Variants in TRPV1 observed in about 807,000 individuals in gnomAD.
The protein encoded by TRPV1 is OTRPC1.
In TRPV1, 82 loss-of-function variants were observed where a neutral mutation model predicts 82.3. The observed-to-expected ratio is 1.00, with a 90% confidence interval of 0.83 to 1.20. TRPV1 has a LOEUF of 1.20. Among genes scored for constraint, TRPV1 ranks in the 50% most tolerant of loss-of-function variants. The pLI is 0.00. For synonymous variants in TRPV1, 515 were observed against 467.7 expected, an observed-to-expected ratio of 1.10 and a Z score of -1.30; for missense variants, 1,067 against 1,096.8, an observed-to-expected ratio of 0.97 and a Z score of 0.38.
In TRPV1 at chr17:3,566,145, C is replaced by A. The variant is rs565889684; in HGVS notation, c.*670G>T. On this transcript the variant is annotated 3_prime_UTR_variant, in exon 17 of 17. Transcript: ENST00000572705. ...CAAGATCACACCACTGCACTCCAGC[C>A]TGGGCAACAAGAGTGAAACTCTGTC... The A allele has an allele frequency of 6.6e-6, 1 of 150,980 alleles. No homozygotes were observed. Among genetic ancestry groups the A allele is most frequent in the East Asian group, 2.0e-4 (1 of 5,098 alleles). 9.4% of individuals were successfully genotyped at this position (150,980 alleles called of 1,614,324 possible).
intron 2 of TRPV1, among the ~76,000 whole-genome samples, chr17:3,607,159 C>T (rs1335274335): frequency 6.6e-6 from 1 of 152,100 alleles, no homozygotes; most frequent in Non-Finnish European, 1.5e-5. Flanking sequence ...ACCAGGCCAA[C>T]ATGGTGAAAC....
chr17:3,568,048 C>T (rs1185906550), intron 16 of TRPV1, among the ~76,000 whole-genome samples: 3 of 152,154 alleles, frequency 2.0e-5, no homozygotes, highest in Admixed American at 1.3e-4. Context: ...CAAGGCCGGG[C>T]GCGGTGGCTC....
intron 2 of TRPV1, among the ~76,000 whole-genome samples, chr17:3,597,647 C>G (rs370305805): frequency 6.6e-6 from 1 of 150,720 alleles, no homozygotes. Flanking sequence ...AACCACAAAA[C>G]ACAGATAACT....
rs1480075628 is a variant in TRPV1, at chr17:3,585,995, G to A, written c.1225-69C>T. 3.0e-5 allele frequency: 48 copies of A among 1,583,400 alleles called. No individual in the cohort carries two copies. In the Admixed American group the frequency reaches 3.8e-4, roughly 12 times the overall value. On this transcript the variant is annotated intron_variant, in intron 8 of 16. Transcript: ENST00000572705. ...ACTCCTCGCACGCCCACACCAGCCC[G>A]TGGTGCCCCTCACAGCCATGTGGCC...
At chr17:3,595,937 C>T (rs1260170907) in intron 2 of TRPV1, 1 of 152,224 alleles carries the variant, frequency 6.6e-6, no homozygotes, top group Non-Finnish European at 1.5e-5. Flanking sequence ...TCAGGACAGC[C>T]CTCCACTGCC....
At chr17:3,593,093 T>C (rs1374801709) in intron 2 of TRPV1, among the ~76,000 whole-genome samples, 6 of 3,634 alleles carry the variant, frequency 1.7e-3, no homozygotes, top group African/African-American at 5.2e-3. Context: ...TGTGTGTGTG[T>C]GTGTGTGTGT....
Position 3,580,465 on chromosome 17 carries a change from C to G in TRPV1, c.1539G>C (p.Glu513Asp), listed in dbSNP as rs1331356000. The stretch of plus-strand genomic sequence containing the variant: ...GTCAAAGTGTCACTTACAAAAGCAT[C>G]TCACTGTAGCTGTCCACAAACAGGG... ...MKTLFVDSYS[E>D]MLFFLQSLFM... Residue 513 changes from glutamate (E) to aspartate (D), a missense_variant, in exon 11 of 17, where the codon GAG (glutamate) becomes GAC (aspartate). Glu to Asp is a conservative substitution (Grantham distance 45). Transcript: ENST00000572705. 6.2e-7 allele frequency: 1 copy of G among 1,614,068 alleles called. No homozygotes were observed. The highest frequency in any genetic ancestry group is 1.7e-5 in the Admixed American group (1 of 60,020).
intron 2 of TRPV1, 23 bp from the exon 3 acceptor site, chr17:3,592,406 G>A (rs200710622): frequency 2.6e-5 from 39 of 1,523,492 alleles, no homozygotes; most frequent in African/African-American, 2.7e-5. Context: ...CCACGCCGGG[G>A]TTGACTCCCA....
At chr17:3,589,727 G>A in intron 7 of TRPV1, 80 bp downstream of exon 7, 1 of 1,481,116 alleles carries the variant, frequency 6.8e-7, no homozygotes, top group Non-Finnish European at 9.1e-7. Flanking sequence ...GCGACGCCAG[G>A]CTCCCGCAGT....
intron 9 of TRPV1, chr17:3,585,421 G>C (rs222744): frequency 0.1 from 23,016 of 224,966 alleles, 1,636 homozygotes; most frequent in East Asian, 0.25. Context: ...AAAGTGCTGG[G>C]ATTACAGGCA....
At chr17:3,577,473 G>GC in intron 12 of TRPV1, 125 bp downstream of exon 12, 3 of 1,265,470 alleles carry the variant, frequency 2.4e-6, no homozygotes, top group Non-Finnish European at 3.3e-6. Context: ...TGGAAAATAG[G>GC]CTGGGGGGTA....
At position 3,572,261 on chromosome 17, in the gene TRPV1, C is replaced by T. The variant is rs1336817084; in HGVS notation, c.2104-12G>A. 4 of 1,603,404 alleles carry T rather than the reference C, an allele frequency of 2.5e-6. No homozygotes were observed. Among genetic ancestry groups the T allele is most frequent in the Non-Finnish European group, 3.4e-6 (4 of 1,174,810 alleles). On this transcript the variant is annotated splice_polypyrimidine_tract_variant and intron_variant, in intron 14 of 16. Transcript: ENST00000572705. ...ATGGTGATGGCTCTCTGCAGGAAGA[C>T]ACCAAGGGCAGAGGAGCTGAGGGGC...
chr17:3,603,623 C>T (rs375204043), intron 2 of TRPV1, among the ~76,000 whole-genome samples: 7 of 152,198 alleles, frequency 4.6e-5, no homozygotes, highest in African/African-American at 1.7e-4. Context: ...TCTAGGCAGG[C>T]ATGAGAGATG....
At chr17:3,590,551 C>T (rs1005685254) in intron 5 of TRPV1, among the ~76,000 whole-genome samples, 159 bp from the exon 6 acceptor site, 3 of 152,194 alleles carry the variant, frequency 2.0e-5, no homozygotes, top group Admixed American at 6.5e-5. Flanking sequence ...AGGCCAGGGT[C>T]CCCCAAGGGG....
chr17:3,577,748 C>T lies in TRPV1; in HGVS notation c.1563G>A (p.Leu521=), dbSNP rs111611861. 9.4e-6 allele frequency: 15 copies of T among 1,592,416 alleles called. No homozygotes were observed. The African/African-American group carries it at 1.1e-4, about 11-fold the overall frequency. Residue 521 remains leucine, a synonymous_variant, in exon 12 of 17, where the codon CTG becomes CTA. Transcript: ENST00000572705. ...ACAGCACCACGGTGGCCAGCATGAA[C>T]AGTGACTGCAGAAAGCTGCGGGTGG... ...YSEMLFFLQS[L]FMLATVVLYF...
chr17:3,580,053 C>A (rs1269186565), intron 11 of TRPV1, among the ~76,000 whole-genome samples: 1 of 149,974 alleles, frequency 6.7e-6, no homozygotes. Context: ...CCAACCACCA[C>A]AACTAAGCAC....
chr17:3,604,131 G>A (rs1303110642), intron 2 of TRPV1, among the ~76,000 whole-genome samples: 2 of 152,242 alleles, frequency 1.3e-5, no homozygotes, highest in Non-Finnish European at 2.9e-5. Flanking sequence ...CACCAGGGAG[G>A]CCCTTTGCAG....
intron 10 of TRPV1, 149 bp from the exon 11 acceptor site, chr17:3,580,676 G>A: frequency 3.7e-6 from 3 of 813,090 alleles, no homozygotes. Flanking sequence ...CAAGGGTCAG[G>A]CCAATGGGGT....
intron 16 of TRPV1, among the ~76,000 whole-genome samples, chr17:3,569,427 A>AAAAAT (rs1445858688): frequency 6.6e-6 from 1 of 152,320 alleles, no homozygotes; most frequent in South Asian, 2.1e-4. Flanking sequence ...ACTCCATCTC[A>AAAAAT]AAAATAAAAT....
Sources: allele counts gnomAD v4.1 joint callset (sites outside exome capture counted in the v4.1 genomes callset), GRCh38; gene constraint gnomAD v4.1.1; transcripts MANE v1.5; gene names NCBI Gene and HGNC (gene_info 2026-07-23, HGNC 2026-07-21).